The following NEMP2 variants were observed in gnomAD, a reference collection of about 807,000 sequenced individuals.
The protein encoded by NEMP2 is UPF0571 transmembrane protein.
NEMP2 carries 53 observed loss-of-function variants against 54.2 expected under a neutral mutation model. The ratio of observed to expected loss-of-function variants is 0.98; its 90% CI spans 0.78 to 1.23. The LOEUF (loss-of-function observed/expected upper bound fraction) is 1.23. Among genes scored for constraint, NEMP2 ranks in the 50% most tolerant of loss-of-function variants. The pLI is 0.00. For missense variants in NEMP2, 455 were observed against 511.3 expected (o/e 0.89, Z 1.06); for synonymous variants, 197 against 190.3 (o/e 1.04, Z -0.29).
chr2:190,531,359 G>A lies in NEMP2; in HGVS notation c.97+3200C>T, dbSNP rs1286869706. On this transcript the variant is annotated intron_variant, in intron 1 of 8. Coordinates refer to ENST00000409150, the MANE Select transcript of NEMP2 (RefSeq NM_001142645.2). This position sits in a 1 kb window ranked among gnomAD's most constrained non-coding sequence, Gnocchi z 4.7. ...CCTCAAGGACTGAGGAGTATCTGTG[G>A]GATCAACCCTGAATGCCATCCTTAC... Among the ~76,000 whole-genome samples, 1 of 152,118 alleles carries A rather than the reference G, an allele frequency of 6.6e-6. No individual in the cohort carries two copies. Among genetic ancestry groups the A allele is most frequent in the African/African-American group, 2.4e-5 (1 of 41,406 alleles).
the NEMP2 span, among the ~76,000 whole-genome samples, chr2:190,556,123 T>G: frequency 6.6e-6 from 1 of 152,366 alleles, no homozygotes; most frequent in South Asian, 2.1e-4. Context: ...AAGAAGCTTA[T>G]GCACCATGAT....
the NEMP2 span, among the ~76,000 whole-genome samples, chr2:190,575,419 A>C: frequency 6.6e-6 from 1 of 151,862 alleles, no homozygotes; most frequent in Non-Finnish European, 1.5e-5. Flanking sequence ...TAAAGCTCTC[A>C]TCTGTTCATG....
the NEMP2 span, among the ~76,000 whole-genome samples, chr2:190,453,664 G>C: frequency 2.6e-5 from 4 of 152,196 alleles, no homozygotes; most frequent in African/African-American, 9.7e-5. Context: ...AGATATCACT[G>C]ATATTCTTTT....
At chr2:190,543,339 GGAT>G in the NEMP2 span, among the ~76,000 whole-genome samples, 1 of 152,170 alleles carries the variant, frequency 6.6e-6, no homozygotes, top group Non-Finnish European at 1.5e-5. The surrounding 1 kb of genome is among the most constrained non-coding windows in gnomAD (Gnocchi z 4.7). Context: ...TTTTTAGGTG[GGAT>G]GGTTGTCCTC....
At chr2:190,495,018 G>A in the NEMP2 span, among the ~76,000 whole-genome samples, 2,485 of 152,162 alleles carry the variant, frequency 0.016, 71 homozygotes, top group African/African-American at 0.056. The surrounding 1 kb of genome is among the most constrained non-coding windows in gnomAD (Gnocchi z 4.7). Context: ...GACAAGAGAA[G>A]GAAATAAAGG....
chr2:190,450,104 C>T, the NEMP2 span, among the ~76,000 whole-genome samples: 1 of 152,066 alleles, frequency 6.6e-6, no homozygotes, highest in East Asian at 1.9e-4. Flanking sequence ...TTATTACTGG[C>T]AGTAAGTGCA....
chr2:190,557,015 C>G, the NEMP2 span, among the ~76,000 whole-genome samples: 18,474 of 152,126 alleles, frequency 0.12, 1,949 homozygotes, highest in African/African-American at 0.28. Context: ...CCCACATAGT[C>G]AAGACAATCC....
chr2:190,640,883 A>G, the NEMP2 span: 1 of 139,758 alleles, frequency 7.2e-6, no homozygotes, highest in Non-Finnish European at 1.5e-5. Flanking sequence ...TCAGCATAGT[A>G]AAGTATTTGG....
At chr2:190,585,864 C>A in the NEMP2 span, among the ~76,000 whole-genome samples, 1 of 152,232 alleles carries the variant, frequency 6.6e-6, no homozygotes, top group African/African-American at 2.4e-5. This position sits in a 1 kb window ranked among gnomAD's most constrained non-coding sequence, Gnocchi z 5.3. Context: ...AGGGCAGTTA[C>A]AAAACAGGGG....
chr2:190,595,649 A>C, the NEMP2 span, among the ~76,000 whole-genome samples: 1 of 152,222 alleles, frequency 6.6e-6, no homozygotes, highest in African/African-American at 2.4e-5. This position sits in a 1 kb window ranked among gnomAD's most constrained non-coding sequence, Gnocchi z 4.0. Flanking sequence ...CATGAAAAAA[A>C]GCTCATCATC....
the NEMP2 span, among the ~76,000 whole-genome samples, chr2:190,444,314 A>ATACTCT: frequency 6.6e-5 from 10 of 152,226 alleles, no homozygotes; most frequent in Non-Finnish European, 1.3e-4. Context: ...ATTCTTGGTC[A>ATACTCT]TGGCCCAGTT....
the NEMP2 span, chr2:190,620,385 A>G: frequency 1.3e-5 from 2 of 152,230 alleles, no homozygotes; most frequent in African/African-American, 4.8e-5. This position sits in a 1 kb window ranked among gnomAD's most constrained non-coding sequence, Gnocchi z 4.9. Context: ...AAGAGAGAGA[A>G]AAGTTTCTTC....
At chr2:190,641,427 A>G in the NEMP2 span, 2 of 152,188 alleles carry the variant, frequency 1.3e-5, no homozygotes. Context: ...GATGGAGGGT[A>G]CTCCAGCTGC....
At chr2:190,576,241 G>A in the NEMP2 span, among the ~76,000 whole-genome samples, 210 of 152,268 alleles carry the variant, frequency 1.4e-3, no homozygotes, top group Non-Finnish European at 2.4e-3. Context: ...AAAGTGCTGG[G>A]ATTACAAAAG....
At chr2:190,560,530 G>C in the NEMP2 span, among the ~76,000 whole-genome samples, 1 of 152,050 alleles carries the variant, frequency 6.6e-6, no homozygotes, top group Admixed American at 6.6e-5. The surrounding 1 kb of genome is among the most constrained non-coding windows in gnomAD (Gnocchi z 5.4). Context: ...TATGACATTT[G>C]TCCTAATTAT....
At position 190,531,947 on chromosome 2, in the gene NEMP2, C is replaced by T. The variant is rs1218141421; in HGVS notation, c.97+2612G>A. On this transcript the variant is annotated intron_variant, in intron 1 of 8. Transcript: ENST00000409150. The surrounding 1 kb of genome is among the most constrained non-coding windows in gnomAD (Gnocchi z 4.7). ...AACACAAAAATATCTCACCAATGTT[C>T]CTCCTGAAAACTGACATGGCCCTCA... Among the ~76,000 whole-genome samples the T allele has an allele frequency of 6.6e-6, 1 of 151,754 alleles. No individual in the cohort carries two copies. Among genetic ancestry groups the T allele is most frequent in the Non-Finnish European group, 1.5e-5 (1 of 67,988 alleles).
chr2:190,436,429 GTCC>G, the NEMP2 span: 8 of 1,614,114 alleles, frequency 5.0e-6, no homozygotes, highest in South Asian at 2.2e-5. This position sits in a 1 kb window ranked among gnomAD's most constrained non-coding sequence, Gnocchi z 5.3. Flanking sequence ...AGGCAAAATT[GTCC>G]TCCTCTTTTC....
At chr2:190,553,174 C>T in the NEMP2 span, 3 of 151,902 alleles carry the variant, frequency 2.0e-5, no homozygotes, top group Non-Finnish European at 2.9e-5. Flanking sequence ...AGTGTTTTCA[C>T]ATACACTACC....
the NEMP2 span, among the ~76,000 whole-genome samples, chr2:190,644,626 T>C: frequency 6.6e-6 from 1 of 152,144 alleles, no homozygotes; most frequent in Admixed American, 6.5e-5. This position sits in a 1 kb window ranked among gnomAD's most constrained non-coding sequence, Gnocchi z 4.4. Context: ...TTGTTATCCT[T>C]AGCAAACTAA....
Sources: allele counts gnomAD v4.1 joint callset (sites outside exome capture counted in the v4.1 genomes callset), GRCh38; gene constraint gnomAD v4.1.1; non-coding constraint Gnocchi (gnomAD v3.1); transcripts MANE v1.5; gene names NCBI Gene and HGNC (gene_info 2026-07-23, HGNC 2026-07-21).